BICD1: variants seen among roughly 807,000 people sequenced by gnomAD.
The protein encoded by BICD1 is protein bicaudal D homolog 1.
BICD1 carries 35 observed loss-of-function variants against 92.5 expected under a neutral mutation model. The ratio of observed to expected loss-of-function variants is 0.38; its 90% CI spans 0.29 to 0.50. The LOEUF is 0.50. Ranked by LOEUF, BICD1 falls within the 20% of genes least tolerant of loss-of-function variation. The pLI, the probability that BICD1 is intolerant of heterozygous loss-of-function variation, is 0.93. For missense variants in BICD1, 950 were observed against 1,189.8 expected, an observed-to-expected ratio of 0.80 and a Z score of 2.97; for synonymous variants, 429 against 465.1, an observed-to-expected ratio of 0.92 and a Z score of 1.00.
chr12:32,163,372 A>G (rs1045139875), intron 1 of BICD1, among the ~76,000 whole-genome samples: 1 of 152,160 alleles, frequency 6.6e-6, no homozygotes, highest in Non-Finnish European at 1.5e-5. Context: ...TTTTATTATA[A>G]GACTAATACA....
intron 1 of BICD1, chr12:32,109,599 T>C (rs1352591204): frequency 2.6e-5 from 4 of 151,894 alleles, no homozygotes. Context: ...TTATTTTTAC[T>C]AAACGATTCT....
intron 1 of BICD1, among the ~76,000 whole-genome samples, chr12:32,207,365 C>T (rs1314257751): frequency 1.3e-5 from 2 of 152,026 alleles, no homozygotes; most frequent in Admixed American, 6.6e-5. Flanking sequence ...AGGCTATTGA[C>T]TATTATCTTA....
Position 32,299,549 on chromosome 12 carries a change from G to A in BICD1, c.579+5403G>A, listed in dbSNP as rs75512312. On this transcript the variant is annotated intron_variant, in intron 3 of 9. Coordinates refer to ENST00000652176, the MANE Select transcript of BICD1 (RefSeq NM_001714.4). ...CTTGTACCACATTTGAGTGAGTGGT[G>A]TGAGTGAAGCTGCCCAGACAGAAAG... Among the ~76,000 whole-genome samples the A allele has an allele frequency of 7.6e-4, 115 of 152,292 alleles. No homozygotes were observed. In the East Asian group the frequency reaches 0.019, roughly 26 times the overall value.
intron 1 of BICD1, among the ~76,000 whole-genome samples, chr12:32,163,026 A>T (rs1433248416): frequency 6.7e-6 from 1 of 149,664 alleles, no homozygotes; most frequent in Non-Finnish European, 1.5e-5. Context: ...TTATAATTTT[A>T]AATTATGGTT....
intron 2 of BICD1, among the ~76,000 whole-genome samples, chr12:32,243,063 C>A (rs1946277217): frequency 6.6e-6 from 1 of 151,700 alleles, no homozygotes; most frequent in Non-Finnish European, 1.5e-5. Flanking sequence ...ATTATTATTT[C>A]ATTGCTGTTT....
intron 1 of BICD1, among the ~76,000 whole-genome samples, chr12:32,191,426 A>AT (rs1263241213): frequency 1.3e-5 from 2 of 151,646 alleles, no homozygotes; most frequent in Non-Finnish European, 2.9e-5. Flanking sequence ...CAGATATTGC[A>AT]TTTTTTACAA....
In BICD1 at chr12:32,337,598, C is replaced by G. The variant is rs1170596357; in HGVS notation, c.2352C>G (p.Ile784Met). 6.2e-7 allele frequency: 1 copy of G among 1,614,090 alleles called. No homozygotes were observed. Among genetic ancestry groups the G allele is most frequent in the Non-Finnish European group, 8.5e-7 (1 of 1,180,036 alleles). ...KTLNTLLRMA[I>M]QQKLALTQRL... is the part of the protein sequence containing the mutation. ...TGAACACTTTGTTACGAATGGCTATCCAGCAAAAACTCGCCCTGACCCAGA... is the reference window on the plus strand; with the variant it reads ...TGAACACTTTGTTACGAATGGCTATGCAGCAAAAACTCGCCCTGACCCAGA... The change falls in exon 7 of 10, where the codon ATC (isoleucine) becomes ATG (methionine). Residue 784 changes from isoleucine (I) to methionine (M), a missense_variant. Ile to Met is a conservative substitution (Grantham distance 10, BLOSUM62 1). Coordinates refer to ENST00000652176, the MANE Select transcript of BICD1 (RefSeq NM_001714.4). The surrounding 1 kb of genome is among the most constrained non-coding windows in gnomAD (Gnocchi z 4.7).
intron 2 of BICD1, among the ~76,000 whole-genome samples, chr12:32,218,239 A>G (rs1945414003): frequency 6.6e-6 from 1 of 152,232 alleles, no homozygotes; most frequent in Non-Finnish European, 1.5e-5. Context: ...TTAATTAAGC[A>G]TGAAGTTACA....
chr12:32,114,639 C>T (rs531557616), intron 1 of BICD1, among the ~76,000 whole-genome samples: 1 of 152,150 alleles, frequency 6.6e-6, no homozygotes, highest in South Asian at 2.1e-4. Context: ...CTGTTTTGGC[C>T]TCCCAAAGTG....
At chr12:32,143,949 T>G (rs759542164) in intron 1 of BICD1, among the ~76,000 whole-genome samples, 60 of 152,204 alleles carry the variant, frequency 3.9e-4, no homozygotes, top group Non-Finnish European at 7.8e-4. Context: ...CCTGTTTAAG[T>G]CTTCAGCCAT....
intron 2 of BICD1, among the ~76,000 whole-genome samples, chr12:32,253,072 T>C (rs2608397): frequency 0.3 from 46,187 of 151,786 alleles, 8,351 homozygotes; most frequent in Non-Finnish European, 0.42. Context: ...TTGTAGAGAC[T>C]GGGTTTTGCC....
chr12:32,131,576 T>A (rs1030025916), intron 1 of BICD1, among the ~76,000 whole-genome samples: 6 of 152,242 alleles, frequency 3.9e-5, no homozygotes, highest in African/African-American at 1.4e-4. Flanking sequence ...CCATCACCTC[T>A]CTGTCCTCTG....
chr12:32,348,216 A>C (rs1938702495), intron 8 of BICD1, among the ~76,000 whole-genome samples: 1 of 152,222 alleles, frequency 6.6e-6, no homozygotes, highest in African/African-American at 2.4e-5. Flanking sequence ...TGTATGCAAA[A>C]TAAGCTATGA....
intron 1 of BICD1, among the ~76,000 whole-genome samples, chr12:32,203,422 GC>G (rs1259807939): frequency 6.6e-6 from 1 of 152,140 alleles, no homozygotes; most frequent in Non-Finnish European, 1.5e-5. Flanking sequence ...GAAAATATGT[GC>G]CATACATATG....
chr12:32,175,442 G>T (rs1429494685), intron 1 of BICD1, among the ~76,000 whole-genome samples: 1 of 152,156 alleles, frequency 6.6e-6, no homozygotes, highest in South Asian at 2.1e-4. Flanking sequence ...TCAGCCTCCC[G>T]AGTAGCTGGG....
rs202045538 is a variant in BICD1, at chr12:32,337,470, C to A, written c.2253-29C>A. On this transcript the variant is annotated intron_variant, in intron 6 of 9. Coordinates refer to ENST00000652176, the MANE Select transcript of BICD1 (RefSeq NM_001714.4). The surrounding 1 kb of genome is among the most constrained non-coding windows in gnomAD (Gnocchi z 4.7). ...CAAATTCAGTTTCACCAAGATTTTC[C>A]TCTGACCACTTCTCTGTTTTGGTTC... The A allele has an allele frequency of 1.8e-4, 288 of 1,582,810 alleles. No homozygotes were observed. Among genetic ancestry groups the A allele is most frequent in the Non-Finnish European group, 2.0e-4 (236 of 1,158,190 alleles).
rs769283505 is a variant in BICD1, at chr12:32,107,477, A to C, written c.146A>C (p.Lys49Thr). ...LVVLEEKLTL[K>T]QQYDELEAEY... ...GTGCTGGAGGAGAAGCTGACCCTCAAACAGCAGTATGATGAACTGGAGGCT... is the reference window on the plus strand; with the variant it reads ...GTGCTGGAGGAGAAGCTGACCCTCACACAGCAGTATGATGAACTGGAGGCT... The change falls in exon 1 of 10, where the codon AAA (lysine) becomes ACA (threonine). Residue 49 changes from lysine (K) to threonine (T), a missense_variant. By Grantham distance (78) the Lys-to-Thr change is moderately conservative (BLOSUM62 -1). Transcript: ENST00000652176. 3 of 1,610,088 alleles carry C rather than the reference A, an allele frequency of 1.9e-6. No individual in the cohort carries two copies. Among genetic ancestry groups the C allele is most frequent in the Non-Finnish European group, 2.5e-6 (3 of 1,178,538 alleles).
chr12:32,168,531 G>C (rs968983216), intron 1 of BICD1, among the ~76,000 whole-genome samples: 4 of 152,170 alleles, frequency 2.6e-5, no homozygotes, highest in Admixed American at 6.5e-5. Flanking sequence ...CTGAGAACAG[G>C]AACCAGAAAG....
intron 8 of BICD1, among the ~76,000 whole-genome samples, chr12:32,359,517 A>G (rs11051953): frequency 0.09 from 4,505 of 50,186 alleles, 276 homozygotes; most frequent in East Asian, 0.41. Context: ...ATAACCCATG[A>G]ATCCATTAAC....
Sources: gnomAD v4.1 joint callset for allele counts (sites outside exome capture counted in the v4.1 genomes callset) on GRCh38, gnomAD v4.1.1 for gene constraint, Gnocchi (gnomAD v3.1) non-coding constraint, MANE v1.5 for transcripts, NCBI Gene and HGNC (gene_info 2026-07-23, HGNC 2026-07-21) for gene names.